PCDHA2: variants seen among roughly 807,000 people sequenced by gnomAD.
PCDHA2 encodes the protein protocadherin alpha-2.
Under a neutral mutation model 66.0 loss-of-function variants are expected in PCDHA2, and 58 were observed. The observed-to-expected ratio is 0.88, with a 90% CI of 0.71 to 1.09. PCDHA2 has a LOEUF of 1.09. Among genes scored for constraint, PCDHA2 ranks in the 50% least tolerant of loss-of-function variants. PCDHA2 has a pLI of 0.00. For synonymous variants in PCDHA2, 634 were observed against 554.0 expected (o/e 1.14, Z -2.03); for missense variants, 1,267 against 1,242.3 (o/e 1.02, Z -0.30).
chr5:140,823,587 T>G (rs2150127210), intron 1 of PCDHA2: 9 of 1,613,996 alleles, frequency 5.6e-6, no homozygotes, highest in East Asian at 2.2e-5. Context: ...GCTACAACGC[T>G]TGGCTTTCGT....
At chr5:140,977,831 T>C (rs987042342) in intron 1 of PCDHA2, among the ~76,000 whole-genome samples, 3 of 152,240 alleles carry the variant, frequency 2.0e-5, no homozygotes, top group Admixed American at 1.3e-4. Flanking sequence ...AATGGTCTAT[T>C]GATATTACTA....
At chr5:141,007,280 T>G (rs946303708) in intron 3 of PCDHA2, among the ~76,000 whole-genome samples, 1 of 151,106 alleles carries the variant, frequency 6.6e-6, no homozygotes, top group East Asian at 1.9e-4. Flanking sequence ...CTGGGTGCAG[T>G]GGGCTCATGC....
intron 1 of PCDHA2, chr5:140,928,082 T>C: frequency 1.2e-6 from 2 of 1,614,212 alleles, no homozygotes. Context: ...TACTACAGCC[T>C]GCTGATTGAT....
In PCDHA2 at chr5:140,829,619, G is replaced by A. The variant is rs2150171430; in HGVS notation, c.2388+32267G>A. 40 of 1,612,108 alleles carry A rather than the reference G, an allele frequency of 2.5e-5. No individual in the cohort carries two copies. In the Middle Eastern group the frequency reaches 8.2e-4, roughly 33 times the overall value. Reference sequence around the variant, plus strand: ...GCGCGCGTTGTCGAGCTACATTTCGGTGCACGCGGAGAGCGGCAAGGTGTA... The same window carrying A: ...GCGCGCGTTGTCGAGCTACATTTCGATGCACGCGGAGAGCGGCAAGGTGTA... On this transcript the variant is annotated intron_variant, in intron 1 of 3. Transcript: ENST00000526136.
rs781828358 is a variant in PCDHA2 at position 140,809,405 on chromosome 5, G to C, written c.2388+12053G>C. 39 of 1,614,088 alleles carry C rather than the reference G, an allele frequency of 2.4e-5. No individual in the cohort carries two copies. The highest frequency in any genetic ancestry group is 3.0e-5 in the Non-Finnish European group (35 of 1,180,022). ...GTGCGCTCCGGGCAAGCCCACGCTG[G>C]TGTGCTCCAGTGCGGTGGGGAGCTG... is the stretch of plus-strand genomic sequence containing the variant. On this transcript the variant is annotated intron_variant, in intron 1 of 3. Transcript: ENST00000526136.
chr5:140,848,512 G>A (rs1781566761), intron 1 of PCDHA2: 1 of 1,590,350 alleles, frequency 6.3e-7, no homozygotes, highest in South Asian at 1.1e-5. Context: ...TACTCAAGTC[G>A]AGGAGATCCA....
At chr5:140,829,291 C>A (rs1224318047) in intron 1 of PCDHA2, 1 of 1,614,130 alleles carries the variant, frequency 6.2e-7, no homozygotes, top group Non-Finnish European at 8.5e-7. Context: ...TGGTGTCCAC[C>A]TTCAAGAATT....
chr5:140,834,611 G>A, intron 1 of PCDHA2: 1 of 1,614,162 alleles, frequency 6.2e-7, no homozygotes, highest in Non-Finnish European at 8.5e-7. Context: ...ATCTTCTGGA[G>A]GTAAATCTGC....
chr5:140,976,615 G>C (rs1264627090), intron 1 of PCDHA2, among the ~76,000 whole-genome samples: 2 of 152,102 alleles, frequency 1.3e-5, no homozygotes, highest in Admixed American at 1.3e-4. Context: ...AAACATGACT[G>C]TCAGCTGAAC....
rs2150131362 is a variant in PCDHA2 at position 140,824,004 on chromosome 5, G to T, written c.2388+26652G>T. On this transcript the variant is annotated intron_variant, in intron 1 of 3. Transcript: ENST00000526136. ...AGCCCACTCTGTTGTGCTCCAGCGCGGTGGGGAGCTGGTCGTACTCGCAGC... is the reference window on the plus strand; with the variant it reads ...AGCCCACTCTGTTGTGCTCCAGCGCTGTGGGGAGCTGGTCGTACTCGCAGC... The T allele has an allele frequency of 3.1e-6, 5 of 1,614,112 alleles. No individual in the cohort carries two copies. The East Asian group carries it at 1.1e-4, about 36-fold the overall frequency.
intron 1 of PCDHA2, chr5:140,852,757 G>T (rs1243910073): frequency 9.2e-6 from 9 of 983,578 alleles, no homozygotes; most frequent in Admixed American, 1.3e-4. Context: ...TTGGACCCAG[G>T]TATCTGATTA....
At chr5:140,829,947 G>A (rs2150178345) in intron 1 of PCDHA2, 3 of 1,613,878 alleles carry the variant, frequency 1.9e-6, no homozygotes, top group Non-Finnish European at 2.5e-6. Context: ...AGCAGCGCTC[G>A]CTTCCCGTTT....
intron 1 of PCDHA2, chr5:140,802,591 A>G (rs782569286): frequency 1.1e-5 from 17 of 1,613,710 alleles, no homozygotes; most frequent in African/African-American, 1.3e-5. Context: ...GTGTTCGTGA[A>G]GGAGAACAAC....
At chr5:140,804,443 T>C (rs1341335746) in intron 1 of PCDHA2, 1 of 152,100 alleles carries the variant, frequency 6.6e-6, no homozygotes, top group Non-Finnish European at 1.5e-5. Flanking sequence ...ATGTTTTAAA[T>C]CTTGTTAAAA....
chr5:140,999,654 C>A (rs180994815), intron 3 of PCDHA2, among the ~76,000 whole-genome samples: 1 of 152,122 alleles, frequency 6.6e-6, no homozygotes, highest in South Asian at 2.1e-4. Flanking sequence ...AGCCTGAGCC[C>A]TGCTGGGTTG....
rs1200077477 is a variant in PCDHA2, at chr5:140,898,429, C to T, written c.2389-80520C>T. 2.1e-3 allele frequency among the ~76,000 whole-genome samples: 312 copies of T among 150,132 alleles called. 2 individuals are homozygous for T. Among genetic ancestry groups the T allele is most frequent in the African/African-American group, 7.3e-3 (294 of 40,066 alleles). On this transcript the variant is annotated intron_variant, in intron 1 of 3. Coordinates refer to ENST00000526136, the MANE Select transcript of PCDHA2 (RefSeq NM_018905.3). ...ATACGGCTAGCCAGTTTTCCCAGCACCATTTATTAAATAGGGAATCCTTTC... is the reference window on the plus strand; with the variant it reads ...ATACGGCTAGCCAGTTTTCCCAGCATCATTTATTAAATAGGGAATCCTTTC...
chr5:140,849,672 G>A, intron 1 of PCDHA2: 1 of 1,598,650 alleles, frequency 6.3e-7, no homozygotes, highest in Non-Finnish European at 8.6e-7. Flanking sequence ...GACGCCCCAC[G>A]TCCCCTTCAA....
Position 140,922,465 on chromosome 5 carries a change from T to C in PCDHA2, c.2389-56484T>C, listed in dbSNP as rs116670359. ...CATTATCCTATTTGTCAACACAAAA[T>C]AGGAGAGAAGGCAGGACTAAATCTG... On this transcript the variant is annotated intron_variant, in intron 1 of 3. Transcript: ENST00000526136. Among the ~76,000 whole-genome samples the C allele has an allele frequency of 8.9e-3, 1,361 of 152,304 alleles. 16 individuals carry two copies. Among genetic ancestry groups the C allele is most frequent in the African/African-American group, 0.031 (1,303 of 41,562 alleles).
rs190555934 is a variant in PCDHA2 at position 140,905,437 on chromosome 5, C to G, written c.2389-73512C>G. Among the ~76,000 whole-genome samples the G allele has an allele frequency of 2.8e-3, 421 of 152,248 alleles. 2 individuals carry two copies. The highest frequency in any genetic ancestry group is 0.014 in the Middle Eastern group (4 of 294). On this transcript the variant is annotated intron_variant, in intron 1 of 3. Coordinates refer to ENST00000526136, the MANE Select transcript of PCDHA2 (RefSeq NM_018905.3). ...TACCATGCTGGTTTGATAACTACAG[C>G]CTTTTAGTATAATTTAAAGTCAGGT...
Sources: gnomAD v4.1 joint callset for allele counts (sites outside exome capture counted in the v4.1 genomes callset) on GRCh38, gnomAD v4.1.1 for gene constraint, MANE v1.5 for transcripts, NCBI Gene and HGNC (gene_info 2026-07-23, HGNC 2026-07-21) for gene names.